Variants in GC observed in about 807,000 individuals in gnomAD.
GC encodes the protein vitamin D-binding protein.
Under a neutral mutation model 56.7 loss-of-function variants are expected in GC, and 43 were observed. The ratio of observed to expected loss-of-function variants is 0.76; its 90% CI spans 0.59 to 0.98. The LOEUF is 0.98. Ranked by LOEUF, GC falls within the 50% of genes least tolerant of loss-of-function variation. The probability of loss-of-function intolerance (pLI) is 0.00; values close to 1 mark genes in which losing one functional copy is unlikely to be tolerated. For missense variants in GC, 529 were observed against 545.9 expected (o/e 0.97, Z 0.31); for synonymous variants, 216 against 202.7 (o/e 1.07, Z -0.56).
chr4:71,753,393 G>C (rs960282430), intron 10 of GC, among the ~76,000 whole-genome samples: 1 of 151,866 alleles, frequency 6.6e-6, no homozygotes, highest in Non-Finnish European at 1.5e-5. Context: ...AAAGGGTAAG[G>C]GGGACCAGTT....
At chr4:71,756,104 C>A in intron 8 of GC, among the ~76,000 whole-genome samples, 1 of 49,244 alleles carries the variant, frequency 2.0e-5, no homozygotes, top group South Asian at 4.2e-3. Context: ...ATTGATAATG[C>A]TAAGAAAAAA....
At chr4:71,783,883 T>A in intron 1 of GC, 78 bp downstream of exon 1, 1 of 1,104,782 alleles carries the variant, frequency 9.1e-7, no homozygotes, top group Non-Finnish European at 1.3e-6. Flanking sequence ...TCTTACTTTT[T>A]ATTTCATTTT....
At position 71,758,237 on chromosome 4, in the gene GC, C is replaced by T. The variant is rs566149557; in HGVS notation, c.702-66G>A. 358 of 1,404,236 alleles carry T rather than the reference C, an allele frequency of 2.5e-4. 2 individuals carry two copies. The highest frequency in any genetic ancestry group is 2.4e-3 in the African/African-American group (167 of 70,656). 87.0% of individuals were successfully genotyped at this position (1,404,236 alleles called of 1,614,324 possible). A position where few individuals can be genotyped will look rare whatever the true frequency, so the allele number is the denominator to read the frequency against. ...TCAGTTTTCTTGGTTTCGTGATGAACGCACTATTTGGAGAAATAATATCAC... is the reference window on the plus strand; with the variant it reads ...TCAGTTTTCTTGGTTTCGTGATGAATGCACTATTTGGAGAAATAATATCAC... On this transcript the variant is annotated intron_variant, in intron 6 of 12. Transcript: ENST00000273951.
At chr4:71,769,771 C>G (rs1387900215) in intron 1 of GC, among the ~76,000 whole-genome samples, 1 of 152,148 alleles carries the variant, frequency 6.6e-6, no homozygotes, top group Non-Finnish European at 1.5e-5. Flanking sequence ...CCTTCCCACC[C>G]TGCTTCCTCC....
intron 12 of GC, among the ~76,000 whole-genome samples, chr4:71,744,116 A>G (rs1321366125): frequency 6.6e-6 from 1 of 152,068 alleles, no homozygotes; most frequent in Non-Finnish European, 1.5e-5. Flanking sequence ...GTCACTGACA[A>G]ACCAAGTTTA....
chr4:71,772,695 T>G (rs573318052), intron 1 of GC, among the ~76,000 whole-genome samples: 2 of 152,108 alleles, frequency 1.3e-5, no homozygotes, highest in African/African-American at 4.8e-5. Context: ...GTTTTGAAAC[T>G]ATTTTTGCTG....
chr4:71,775,911 A>C (rs912099749), intron 1 of GC, among the ~76,000 whole-genome samples: 6 of 152,066 alleles, frequency 3.9e-5, no homozygotes, highest in African/African-American at 1.4e-4. Flanking sequence ...AATGTTCAGC[A>C]TCAGGAATCA....
intron 1 of GC, among the ~76,000 whole-genome samples, chr4:71,775,834 A>C (rs1259466452): frequency 2.0e-5 from 3 of 152,026 alleles, no homozygotes; most frequent in Non-Finnish European, 2.9e-5. Flanking sequence ...GATTTAAAAC[A>C]TTAGCAAAGA....
Position 71,765,443 on chromosome 4 carries a change from T to C in GC, c.462A>G (p.Glu154=). The C allele has an allele frequency of 6.2e-7, 1 of 1,613,140 alleles. No homozygotes were observed. Among genetic ancestry groups the C allele is most frequent in the East Asian group, 2.2e-5 (1 of 44,874 alleles). The change falls in exon 4 of 13, where the codon GAA becomes GAG. Residue 154 remains glutamate (E), a synonymous_variant. Transcript: ENST00000273951. ...ATGAAGGCACTCACTGATTAGCATA[T>C]TCCTTTGGATCTTTCCTGAACGCCT... is the stretch of plus-strand genomic sequence containing the variant. ...ICEAFRKDPK[E]YANQFMWEYS... is the part of the protein sequence containing the mutation.
At chr4:71,773,182 C>T (rs1180125693) in intron 1 of GC, among the ~76,000 whole-genome samples, 1 of 152,006 alleles carries the variant, frequency 6.6e-6, no homozygotes, top group Non-Finnish European at 1.5e-5. Context: ...TAAATATTGG[C>T]ATAATCTTAG....
chr4:71,791,857 G>A (rs1419536416), intron 1 of GC, among the ~76,000 whole-genome samples: 1 of 151,748 alleles, frequency 6.6e-6, no homozygotes, highest in Non-Finnish European at 1.5e-5. Context: ...GATGCTCCCC[G>A]CCCTGTGTCC....
At chr4:71,760,048 T>G (rs796911166) in intron 6 of GC, among the ~76,000 whole-genome samples, 42 of 150,022 alleles carry the variant, frequency 2.8e-4, no homozygotes, top group African/African-American at 9.5e-4. Flanking sequence ...CTAGTTTTTT[T>G]TTTTTTTTTT....
At chr4:71,788,433 G>C (rs888010470), upstream of GC, among the ~76,000 whole-genome samples, 1 of 151,282 alleles carries the variant, frequency 6.6e-6, no homozygotes, top group Non-Finnish European at 1.5e-5. Flanking sequence ...ATAAAAATTT[G>C]AGGAACAATT....
chr4:71,768,973 CCTT>C (rs1343726486), intron 2 of GC, among the ~76,000 whole-genome samples: 1 of 152,210 alleles, frequency 6.6e-6, no homozygotes, highest in Non-Finnish European at 1.5e-5. Context: ...CTGGTGTTGT[CCTT>C]CTTAAGCCTC....
intron 1 of GC, among the ~76,000 whole-genome samples, chr4:71,773,731 A>G (rs1311158386): frequency 6.6e-6 from 1 of 152,056 alleles, no homozygotes; most frequent in Non-Finnish European, 1.5e-5. Flanking sequence ...GTGCTCGTAC[A>G]GGATGCTAGG....
intron 4 of GC, among the ~76,000 whole-genome samples, chr4:71,765,179 G>T (rs1742116029): frequency 6.6e-6 from 1 of 152,144 alleles, no homozygotes; most frequent in South Asian, 2.1e-4. Flanking sequence ...ATGTGGACAG[G>T]ATACTCAAGT....
chr4:71,756,578 T>C (rs1286921645), intron 8 of GC, 134 bp downstream of exon 8: 2 of 626,892 alleles, frequency 3.2e-6, no homozygotes, highest in Non-Finnish European at 5.7e-6. Context: ...TTAAAGTCCA[T>C]GAAAAGCATA....
At chr4:71,767,148 C>G (rs1227315168) in intron 3 of GC, among the ~76,000 whole-genome samples, 1 of 152,028 alleles carries the variant, frequency 6.6e-6, no homozygotes, top group African/African-American at 2.4e-5. Flanking sequence ...AGATAAGGGA[C>G]AGGTAAAGCA....
chr4:71,743,578 C>T (rs2149291315), intron 12 of GC, among the ~76,000 whole-genome samples: 1 of 152,272 alleles, frequency 6.6e-6, no homozygotes, highest in East Asian at 1.9e-4. Flanking sequence ...TTGTCCAATA[C>T]AACTACAAAA....
Sources: gnomAD v4.1 joint callset for allele counts (sites outside exome capture counted in the v4.1 genomes callset) on GRCh38, gnomAD v4.1.1 for gene constraint, MANE v1.5 for transcripts, NCBI Gene and HGNC (gene_info 2026-07-23, HGNC 2026-07-21) for gene names.